Variants in FERMT1 observed in about 807,000 individuals in gnomAD.
FERMT1 encodes the protein fermitin family homolog 1.
A neutral mutation model predicts 85.3 loss-of-function variants in FERMT1; 60 were observed. That is an observed-to-expected ratio of 0.70 (90% CI 0.57 to 0.87). FERMT1 has a LOEUF of 0.87. Ranked by LOEUF, FERMT1 falls within the 40% of genes least tolerant of loss-of-function variation. FERMT1 has a pLI of 0.00. For synonymous variants in FERMT1, 275 were observed against 301.1 expected (o/e 0.91, Z 0.90); for missense variants, 701 against 818.9 (o/e 0.86, Z 1.76).
intron 6 of FERMT1, among the ~76,000 whole-genome samples, chr20:6,101,895 A>G (rs1982668643): frequency 6.6e-6 from 1 of 152,182 alleles, no homozygotes; most frequent in African/African-American, 2.4e-5. Context: ...ACCTCAGACA[A>G]TCCACCTGCC....
At chr20:6,090,936 G>A (rs568960088) in intron 9 of FERMT1, among the ~76,000 whole-genome samples, 1 of 152,080 alleles carries the variant, frequency 6.6e-6, no homozygotes, top group East Asian at 2.0e-4. Context: ...GGCCGAGGCA[G>A]GCTGATCACT....
intron 9 of FERMT1, among the ~76,000 whole-genome samples, chr20:6,094,448 G>A (rs1176647778): frequency 2.0e-5 from 3 of 152,206 alleles, no homozygotes; most frequent in Non-Finnish European, 4.4e-5. Context: ...TGTAAGCCCA[G>A]GATCAAAGTT....
rs148992845 is a variant in FERMT1 at position 6,085,243 on chromosome 20, C to T, written c.1416G>A (p.Ser472=). The part of the protein sequence containing the change: ...AQWMAACMLA[S]KGKTMADSSY... ...AGCTGTCTGCCATGGTTTTGCCCTT[C>T]GATGCCAACATGCAGGCAGCCATCC... Residue 472 remains serine, a synonymous_variant, in exon 12 of 15, where the codon TCG becomes TCA. Coordinates refer to ENST00000217289, the MANE Select transcript of FERMT1 (RefSeq NM_017671.5). 1.1e-3 allele frequency: 1,716 copies of T among 1,614,050 alleles called. 14 individuals carry two copies. In the African/African-American group the frequency reaches 0.02, roughly 18 times the overall value.
In FERMT1 at chr20:6,090,614, C is replaced by T. The variant is rs990974600; in HGVS notation, c.1140-1525G>A. Among the ~76,000 whole-genome samples the T allele has an allele frequency of 3.9e-5, 6 of 151,986 alleles. No individual in the cohort carries two copies. In the East Asian group the frequency reaches 5.8e-4, roughly 15 times the overall value. On this transcript the variant is annotated intron_variant, in intron 9 of 14. Coordinates refer to ENST00000217289, the MANE Select transcript of FERMT1 (RefSeq NM_017671.5). The stretch of plus-strand genomic sequence containing the variant: ...TACAAAAAAAGAAAAATTAGCCAGG[C>T]GTGGTGGTGTGTCTATAGTCCCAGC...
intron 6 of FERMT1, among the ~76,000 whole-genome samples, chr20:6,099,501 A>G (rs939179676): frequency 1.6e-4 from 25 of 152,228 alleles, no homozygotes; most frequent in African/African-American, 5.8e-4. Context: ...ATACAAAAAA[A>G]CAAATACTGG....
intron 13 of FERMT1, among the ~76,000 whole-genome samples, chr20:6,082,369 G>T (rs1201229589): frequency 1.3e-5 from 2 of 152,194 alleles, no homozygotes; most frequent in Non-Finnish European, 2.9e-5. Flanking sequence ...AAAATGCCCG[G>T]GTCACAGAGC....
chr20:6,080,911 A>G (rs1981976869), intron 13 of FERMT1, among the ~76,000 whole-genome samples: 1 of 152,224 alleles, frequency 6.6e-6, no homozygotes, highest in Non-Finnish European at 1.5e-5. Flanking sequence ...TATATATTTC[A>G]GAGTAATTGG....
Position 6,089,030 on chromosome 20 carries a change from G to A in FERMT1, c.1199C>T (p.Ser400Phe), listed in dbSNP as rs1257572784. 1 of 1,610,480 alleles carries A rather than the reference G, an allele frequency of 6.2e-7. No homozygotes were observed. The highest frequency in any genetic ancestry group is 8.5e-7 in the Non-Finnish European group (1 of 1,177,158). Residue 400 changes from serine to phenylalanine, a missense_variant, in exon 10 of 15, where the codon TCC (serine) becomes TTC (phenylalanine). Physicochemically the swap from Ser to Phe is radical, Grantham distance 155 (BLOSUM62 -2). Coordinates refer to ENST00000217289, the MANE Select transcript of FERMT1 (RefSeq NM_017671.5). ...KQYWFIFKDTSIAYFKNKELE... is the reference protein window; with the variant it reads ...KQYWFIFKDTFIAYFKNKELE... ...TTCCTTATTTTTAAAGTATGCTATGGATGTGTCTTTAAAGATAAACCAATA... is the reference window on the plus strand; with the variant it reads ...TTCCTTATTTTTAAAGTATGCTATGAATGTGTCTTTAAAGATAAACCAATA...
chr20:6,085,091 C>G lies in FERMT1; in HGVS notation c.1568G>C (p.Cys523Ser), dbSNP rs1239824383. The G allele has an allele frequency of 6.2e-7, 1 of 1,613,990 alleles. No individual in the cohort carries two copies. The highest frequency in any genetic ancestry group is 1.3e-5 in the African/African-American group (1 of 74,898). The change falls in exon 12 of 15, where the codon TGT (cysteine) becomes TCT (serine). Residue 523 changes from cysteine to serine, a missense_variant. By Grantham distance (112) the Cys-to-Ser change is moderately radical. Coordinates refer to ENST00000217289, the MANE Select transcript of FERMT1 (RefSeq NM_017671.5). Reference sequence around the variant, plus strand: ...CTGTTTGGATTTGTGTCTTTTTGCACACCGTGGTGACACAAAACATTCTGG... The same window carrying G: ...CTGTTTGGATTTGTGTCTTTTTGCAGACCGTGGTGACACAAAACATTCTGG... ...MNPECFVSPR[C>S]AKRHKSKQLA...
At chr20:6,078,647 T>TG (rs1491119350) in intron 14 of FERMT1, among the ~76,000 whole-genome samples, 7 of 124,424 alleles carry the variant, frequency 5.6e-5, no homozygotes, top group African/African-American at 1.8e-4. Context: ...TTTTTTTTTG[T>TG]TTTTTTTTTT....
intron 2 of FERMT1, among the ~76,000 whole-genome samples, chr20:6,118,856 A>G (rs1182705237): frequency 1.3e-5 from 2 of 152,138 alleles, no homozygotes; most frequent in African/African-American, 2.4e-5. Flanking sequence ...TTAAAGTCAC[A>G]TTAGATGTCA....
chr20:6,079,694 G>C, intron 13 of FERMT1, 117 bp from the exon 14 acceptor site: 1 of 1,019,194 alleles, frequency 9.8e-7, no homozygotes, highest in Admixed American at 2.2e-5. Flanking sequence ...CAGAGGAATG[G>C]ACAATGAAGA....
chr20:6,080,646 G>C (rs1340280749), intron 13 of FERMT1, among the ~76,000 whole-genome samples: 1 of 152,198 alleles, frequency 6.6e-6, no homozygotes, highest in Non-Finnish European at 1.5e-5. Flanking sequence ...TTTGAAGGTA[G>C]AGTCACTAGG....
At chr20:6,102,186 T>C (rs558659086) in intron 6 of FERMT1, among the ~76,000 whole-genome samples, 1 of 152,094 alleles carries the variant, frequency 6.6e-6, no homozygotes, top group East Asian at 1.9e-4. Context: ...GGAGGCCTGT[T>C]CCCATTTCTC....
At chr20:6,077,523 C>T (rs1324210510) in intron 14 of FERMT1, among the ~76,000 whole-genome samples, 177 bp from the exon 15 acceptor site, 1 of 152,098 alleles carries the variant, frequency 6.6e-6, no homozygotes, top group Non-Finnish European at 1.5e-5. Context: ...AACATCTTTG[C>T]TCTCTTTGCG....
chr20:6,120,721 C>T (rs1372904699), intron 1 of FERMT1, among the ~76,000 whole-genome samples: 3 of 152,170 alleles, frequency 2.0e-5, no homozygotes, highest in African/African-American at 7.2e-5. Flanking sequence ...CACTCAAACT[C>T]CTAAGAAAGG....
chr20:6,118,033 C>T (rs545113073), intron 2 of FERMT1, among the ~76,000 whole-genome samples: 5 of 126,076 alleles, frequency 4.0e-5, no homozygotes, highest in Admixed American at 8.0e-5. Flanking sequence ...CCTTATGAAT[C>T]AGCATTTTTT....
chr20:6,115,557 T>C (rs1373439980), intron 3 of FERMT1, among the ~76,000 whole-genome samples: 1 of 152,254 alleles, frequency 6.6e-6, no homozygotes, highest in African/African-American at 2.4e-5. Context: ...TCTTAGTGGT[T>C]TATCTTGTCT....
intron 9 of FERMT1, chr20:6,094,259 G>A (rs369049745): frequency 1.8e-4 from 27 of 152,360 alleles, no homozygotes; most frequent in African/African-American, 6.3e-4. Context: ...GGACTTCAAA[G>A]AGCCTTGTTT....
Sources: gnomAD v4.1 joint callset for allele counts (sites outside exome capture counted in the v4.1 genomes callset) on GRCh38, gnomAD v4.1.1 for gene constraint, MANE v1.5 for transcripts, NCBI Gene and HGNC (gene_info 2026-07-23, HGNC 2026-07-21) for gene names.